Variants in CPAP observed in about 807,000 individuals in gnomAD.
CPAP encodes centrosome assembly and centriole elongation protein.
the CPAP span, among the ~76,000 whole-genome samples, chr13:24,904,920 T>C: frequency 2.0e-5 from 3 of 152,228 alleles, no homozygotes; most frequent in African/African-American, 7.2e-5. Flanking sequence ...GGTGTGTACA[T>C]GCGTTAGAAC....
the CPAP span, chr13:24,906,338 T>G: frequency 1.9e-6 from 3 of 1,609,414 alleles, no homozygotes; most frequent in South Asian, 3.3e-5. Context: ...CTTTTCCTTT[T>G]CTCGTTCCCA....
chr13:24,893,942 G>A, the CPAP span, among the ~76,000 whole-genome samples: 2 of 152,072 alleles, frequency 1.3e-5, no homozygotes, highest in South Asian at 2.1e-4. Context: ...TGGGGCAGGT[G>A]AGGGGGTGAC....
the CPAP span, among the ~76,000 whole-genome samples, chr13:24,923,572 A>G: frequency 6.6e-6 from 1 of 152,198 alleles, no homozygotes; most frequent in African/African-American, 2.4e-5. Flanking sequence ...CTAGGAAGTT[A>G]CAGCACCGTG....
At chr13:24,889,275 C>T in the CPAP span, 5 of 1,335,954 alleles carry the variant, frequency 3.7e-6, no homozygotes, top group Non-Finnish European at 4.3e-6. Context: ...TTATTCCTTA[C>T]ATTCTGAAAT....
chr13:24,931,306 C>CTTTTTTCTTTTT, the CPAP span, among the ~76,000 whole-genome samples: 3 of 72,646 alleles, frequency 4.1e-5, no homozygotes, highest in African/African-American at 2.0e-4. Context: ...TTTCATGTTT[C>CTTTTTTCTTTTT]TTTTTTTTTT....
chr13:24,931,887 C>T, the CPAP span, among the ~76,000 whole-genome samples: 7 of 152,202 alleles, frequency 4.6e-5, no homozygotes, highest in Non-Finnish European at 1.0e-4. Context: ...CAAAGCCGAG[C>T]TTTGGATTTA....
the CPAP span, among the ~76,000 whole-genome samples, chr13:24,928,420 T>C: frequency 3.9e-5 from 6 of 152,216 alleles, no homozygotes; most frequent in Non-Finnish European, 8.8e-5. Context: ...TTTCTAGAAT[T>C]ACTTCAGTAA....
chr13:24,889,302 A>T, the CPAP span: 2 of 1,558,786 alleles, frequency 1.3e-6, no homozygotes, highest in African/African-American at 1.4e-5. Flanking sequence ...TAAAAAGATC[A>T]TGCAGCCTCT....
chr13:24,897,683 TA>T, the CPAP span, among the ~76,000 whole-genome samples: 3 of 152,174 alleles, frequency 2.0e-5, no homozygotes. Flanking sequence ...CATTAATGTT[TA>T]AAAAAACATC....
At chr13:24,885,616 T>G in the CPAP span, 1 of 1,609,396 alleles carries the variant, frequency 6.2e-7, no homozygotes, top group African/African-American at 1.3e-5. Flanking sequence ...TTGTCCCTTA[T>G]CCAAATTGCC....
chr13:24,908,173 T>C, the CPAP span: 27 of 1,329,882 alleles, frequency 2.0e-5, no homozygotes, highest in South Asian at 3.0e-4. Flanking sequence ...AGCATATTAA[T>C]GTCTTAAAAC....
chr13:24,895,034 G>A, the CPAP span, among the ~76,000 whole-genome samples: 1 of 152,206 alleles, frequency 6.6e-6, no homozygotes, highest in African/African-American at 2.4e-5. Flanking sequence ...CAGAGGCAAG[G>A]CCTCCACGTC....
the CPAP span, chr13:24,889,341 G>T: frequency 6.2e-7 from 1 of 1,611,452 alleles, no homozygotes; most frequent in African/African-American, 1.3e-5. Context: ...AATTTTTCTT[G>T]TATTTTTCTA....
chr13:24,927,147 T>C, the CPAP span, among the ~76,000 whole-genome samples: 1 of 152,106 alleles, frequency 6.6e-6, no homozygotes, highest in Non-Finnish European at 1.5e-5. Context: ...CTATACAACC[T>C]CTAATCATGC....
At chr13:24,900,707 G>A in the CPAP span, among the ~76,000 whole-genome samples, 72,741 of 152,026 alleles carry the variant, frequency 0.48, 17,626 homozygotes, top group African/African-American at 0.56. Context: ...CTCTGGATGT[G>A]TGTGAAGAGC....
At chr13:24,905,298 G>T in the CPAP span, 2 of 1,552,602 alleles carry the variant, frequency 1.3e-6, no homozygotes, top group Non-Finnish European at 1.8e-6. Flanking sequence ...ACTGATTAAT[G>T]TTAAATTTCT....
chr13:24,897,861 T>A, the CPAP span, among the ~76,000 whole-genome samples: 1 of 152,160 alleles, frequency 6.6e-6, no homozygotes, highest in Admixed American at 6.5e-5. Context: ...ACTAAGGAAT[T>A]ACTGTAAATT....
the CPAP span, among the ~76,000 whole-genome samples, chr13:24,900,209 A>T: frequency 6.6e-6 from 1 of 152,242 alleles, no homozygotes; most frequent in South Asian, 2.1e-4. Context: ...ACACAGCAGT[A>T]CAGGCAGAAG....
At chr13:24,915,025 A>G in the CPAP span, among the ~76,000 whole-genome samples, 1 of 152,024 alleles carries the variant, frequency 6.6e-6, no homozygotes, top group South Asian at 2.1e-4. Flanking sequence ...CAGTGAGCCA[A>G]GATCACACCA....
Sources: allele counts gnomAD v4.1 joint callset (sites outside exome capture counted in the v4.1 genomes callset), GRCh38; gene constraint gnomAD v4.1.1; transcripts MANE v1.5; gene names NCBI Gene and HGNC (gene_info 2026-07-23, HGNC 2026-07-21).